The following SNRPN variants were observed in gnomAD, a reference collection of about 807,000 sequenced individuals.
SNRPN encodes small nuclear ribonucleoprotein polypeptide N.
In SNRPN, 7 loss-of-function variants were observed where a neutral mutation model predicts 25.2. The observed-to-expected ratio is 0.28, with a 90% CI of 0.16 to 0.52. The LOEUF (loss-of-function observed/expected upper bound fraction) is 0.52, where lower values mean the gene tolerates loss of function less well. Among genes scored for constraint, SNRPN ranks in the 20% least tolerant of loss-of-function variants. The pLI is 0.96. For missense variants in SNRPN, 196 were observed against 322.5 expected (o/e 0.61, Z 3.00); for synonymous variants, 124 against 110.6 (o/e 1.12, Z -0.76).
At chr15:24,868,391 G>T (rs551263176) in intron 1 of SNRPN, among the ~76,000 whole-genome samples, 1 of 152,272 alleles carries the variant, frequency 6.6e-6, no homozygotes, top group African/African-American at 2.4e-5. Flanking sequence ...TCCCATGTTG[G>T]CTTCTCCCAC....
intron 3 of SNRPN, among the ~76,000 whole-genome samples, chr15:24,931,933 A>G (rs758711364): frequency 1.3e-5 from 2 of 148,804 alleles, no homozygotes. Flanking sequence ...GGGGTAGGGT[A>G]TGCTCAGTTG....
intron 1 of SNRPN, among the ~76,000 whole-genome samples, chr15:24,882,810 C>G (rs1003692999): frequency 1.0e-5 from 1 of 99,228 alleles, no homozygotes; most frequent in African/African-American, 4.3e-5. Context: ...GGCGACAGAG[C>G]GAGACTCCAT....
chr15:24,955,065 C>T lies in SNRPN; in HGVS notation c.-391+3C>T, dbSNP rs765966912. 4.3e-6 allele frequency: 7 copies of T among 1,613,494 alleles called. No homozygotes were observed. The South Asian group carries it at 6.6e-5, about 15-fold the overall frequency. ...AGTGACGCGATGGAGCGGGCAAGGTCAGCTGTGCCGGTGGCTTCTCTCAAG... is the reference window on the plus strand; with the variant it reads ...AGTGACGCGATGGAGCGGGCAAGGTTAGCTGTGCCGGTGGCTTCTCTCAAG... On this transcript the variant is annotated splice_donor_region_variant and intron_variant, in intron 1 of 9. Transcript: ENST00000390687.
chr15:24,956,801 C>T (rs1046508488), intron 1 of SNRPN, among the ~76,000 whole-genome samples: 26 of 152,138 alleles, frequency 1.7e-4, no homozygotes, highest in African/African-American at 6.0e-4. Context: ...GGGAATGTGG[C>T]TAGAGGCCAG....
intron 3 of SNRPN, among the ~76,000 whole-genome samples, chr15:24,938,161 A>C (rs554004738): frequency 6.9e-6 from 1 of 144,126 alleles, no homozygotes; most frequent in Non-Finnish European, 1.5e-5. Context: ...CCCAGGCTGG[A>C]GTCCAGTGCC....
At chr15:24,827,558 T>C (rs1170450245) in intron 1 of SNRPN, among the ~76,000 whole-genome samples, 1 of 143,290 alleles carries the variant, frequency 7.0e-6, no homozygotes, top group Non-Finnish European at 1.5e-5. Flanking sequence ...GCTTACGCTA[T>C]ACTAAATTTA....
chr15:24,862,889 AAGG>A (rs2054124184), intron 1 of SNRPN, among the ~76,000 whole-genome samples: 1 of 150,592 alleles, frequency 6.6e-6, no homozygotes, highest in African/African-American at 2.5e-5. Context: ...AGTGGGTTGG[AAGG>A]ATCGCTGGGA....
rs1369303724 is a variant in SNRPN at position 24,929,717 on chromosome 15, A to G, written c.-391+9593A>G. ...TTCCAAGTGGAGTCCAGCATATTTT[A>G]TTTTCCTGTTGAATGGTAGACAGCA... is the stretch of plus-strand genomic sequence containing the variant. On this transcript the variant is annotated intron_variant, in intron 3 of 11. Coordinates refer to the SNRPN transcript ENST00000400097. This position sits in a 1 kb window ranked among gnomAD's most constrained non-coding sequence, Gnocchi z 5.3. Among the ~76,000 whole-genome samples, 2 of 151,988 alleles carry G rather than the reference A, an allele frequency of 1.3e-5. No individual in the cohort carries two copies. Among genetic ancestry groups the G allele is most frequent in the Non-Finnish European group, 2.9e-5 (2 of 68,000 alleles).
At chr15:24,918,526 A>G (rs1009261939) in intron 2 of SNRPN, among the ~76,000 whole-genome samples, 13 of 132,296 alleles carry the variant, frequency 9.8e-5, no homozygotes, top group Non-Finnish European at 1.5e-4. Context: ...ATATATGTGT[A>G]TATATAACAT....
chr15:24,909,600 C>T (rs2059081769), intron 2 of SNRPN: 1 of 1,237,124 alleles, frequency 8.1e-7, no homozygotes, highest in Non-Finnish European at 1.2e-6. Flanking sequence ...GCTGTGCAGA[C>T]TATCATATCC....
rs116878465 is a variant in SNRPN, at chr15:24,926,831, C to T, written c.-391+6707C>T. Reference sequence around the variant, plus strand: ...ACCAGCCTGGGTAGCATAATGAGACCTCCTCTCTACAGAAAAAAAAAATGT... The same window carrying T: ...ACCAGCCTGGGTAGCATAATGAGACTTCCTCTCTACAGAAAAAAAAAATGT... On this transcript the variant is annotated intron_variant, in intron 3 of 11. Coordinates refer to the SNRPN transcript ENST00000400097. 7.0e-3 allele frequency among the ~76,000 whole-genome samples: 1,064 copies of T among 151,640 alleles called. 3 individuals carry two copies. Among genetic ancestry groups the T allele is most frequent in the Non-Finnish European group, 0.012 (811 of 67,902 alleles).
intron 2 of SNRPN, among the ~76,000 whole-genome samples, chr15:24,916,258 C>G (rs2059515987): frequency 6.6e-6 from 1 of 152,038 alleles, no homozygotes; most frequent in Non-Finnish European, 1.5e-5. Flanking sequence ...CCGCGCCCAG[C>G]CTTGGTTGAC....
At chr15:24,825,315 T>C (rs2050005957) in intron 1 of SNRPN, among the ~76,000 whole-genome samples, 1 of 151,864 alleles carries the variant, frequency 6.6e-6, no homozygotes, top group South Asian at 2.1e-4. Context: ...CTAATAGTCA[T>C]TGCAAACTAG....
chr15:24,925,056 CAGTA>C (rs1464677942), intron 3 of SNRPN, among the ~76,000 whole-genome samples: 1 of 152,032 alleles, frequency 6.6e-6, no homozygotes, highest in Non-Finnish European at 1.5e-5. Context: ...ACTATGAACA[CAGTA>C]AGTACACAAT....
At chr15:24,876,019 A>C (rs1360161209) in intron 1 of SNRPN, among the ~76,000 whole-genome samples, 1 of 151,050 alleles carries the variant, frequency 6.6e-6, no homozygotes, top group Non-Finnish European at 1.5e-5. Flanking sequence ...GTGCCACTGC[A>C]CTCCAGCTTG....
At chr15:24,975,758 G>A (rs1381335340) in intron 5 of SNRPN, among the ~76,000 whole-genome samples, 2 of 152,056 alleles carry the variant, frequency 1.3e-5, no homozygotes, top group Non-Finnish European at 2.9e-5. Flanking sequence ...CAGAATACTC[G>A]TATTTATTTT....
At chr15:24,964,433 T>C (rs1397927451) in intron 2 of SNRPN, among the ~76,000 whole-genome samples, 1 of 152,082 alleles carries the variant, frequency 6.6e-6, no homozygotes, top group Non-Finnish European at 1.5e-5. Context: ...ACTGGGATTA[T>C]AGGTGTGTGC....
intron 2 of SNRPN, among the ~76,000 whole-genome samples, chr15:24,836,693 G>T (rs977003097): frequency 6.6e-6 from 1 of 152,070 alleles, no homozygotes; most frequent in Non-Finnish European, 1.5e-5. Context: ...GATTATAGGC[G>T]TGATCCACCA....
intron 2 of SNRPN, among the ~76,000 whole-genome samples, chr15:24,845,277 T>C (rs2052086549): frequency 6.6e-6 from 1 of 152,206 alleles, no homozygotes; most frequent in Admixed American, 6.5e-5. Context: ...AATACCACAC[T>C]ATCTTGACTA....
Sources: gnomAD v4.1 joint callset for allele counts (sites outside exome capture counted in the v4.1 genomes callset) on GRCh38, gnomAD v4.1.1 for gene constraint, Gnocchi (gnomAD v3.1) non-coding constraint, MANE v1.5 for transcripts, NCBI Gene and HGNC (gene_info 2026-07-23, HGNC 2026-07-21) for gene names.